NSUN7: variants seen among roughly 807,000 people sequenced by gnomAD.
NSUN7 encodes NOP2/Sun RNA methyltransferase family member 7.
Under a neutral mutation model 58.5 loss-of-function variants are expected in NSUN7, and 39 were observed. That is an observed-to-expected ratio of 0.67 (90% CI 0.52 to 0.87). The LOEUF is 0.87. Among genes scored for constraint, NSUN7 ranks in the 40% least tolerant of loss-of-function variants. The pLI is 0.00. For missense variants in NSUN7, 765 were observed against 844.1 expected (o/e 0.91, Z 1.16); for synonymous variants, 278 against 303.7 (o/e 0.92, Z 0.88).
At chr4:40,754,029 A>G (rs1339843153) in intron 2 of NSUN7, among the ~76,000 whole-genome samples, 1 of 152,218 alleles carries the variant, frequency 6.6e-6, no homozygotes, top group Non-Finnish European at 1.5e-5. Context: ...CAGCATAAAA[A>G]TGGACTAATA....
intron 10 of NSUN7, among the ~76,000 whole-genome samples, chr4:40,801,360 T>C (rs952068997): frequency 6.6e-6 from 1 of 152,226 alleles, no homozygotes; most frequent in African/African-American, 2.4e-5. Flanking sequence ...AGATTGAATA[T>C]ATTAACACAC....
intron 7 of NSUN7, among the ~76,000 whole-genome samples, chr4:40,776,889 TAC>T (rs573253921): frequency 2.8e-4 from 42 of 152,344 alleles, no homozygotes; most frequent in African/African-American, 9.4e-4. Flanking sequence ...GTCCTGAGAT[TAC>T]AGAGGCGTGA....
intron 2 of NSUN7, among the ~76,000 whole-genome samples, chr4:40,755,818 G>C (rs1345871152): frequency 6.6e-6 from 1 of 152,246 alleles, no homozygotes. Flanking sequence ...ACATAGGGCA[G>C]AGTCCAGGAG....
At chr4:40,786,290 A>C in intron 7 of NSUN7, 2 of 1,613,364 alleles carry the variant, frequency 1.2e-6, no homozygotes, top group Non-Finnish European at 1.7e-6. Context: ...GAGAAAATTA[A>C]GGTAACCTTG....
chr4:40,774,633 G>T, intron 5 of NSUN7, 134 bp from the exon 6 acceptor site: 1 of 707,818 alleles, frequency 1.4e-6, no homozygotes, highest in Non-Finnish European at 2.3e-6. Context: ...TTTATTGTTG[G>T]TTAAAATTGT....
intron 8 of NSUN7, among the ~76,000 whole-genome samples, chr4:40,792,263 C>G (rs761782908): frequency 2.0e-5 from 3 of 152,132 alleles, no homozygotes; most frequent in Non-Finnish European, 2.9e-5. Context: ...CTGTGAGACT[C>G]TGGCCTTATC....
intron 10 of NSUN7, among the ~76,000 whole-genome samples, chr4:40,801,901 C>CAAAA (rs56868885): frequency 0.1 from 10,953 of 106,622 alleles, 663 homozygotes; most frequent in Non-Finnish European, 0.16. Flanking sequence ...GACTCTGTCT[C>CAAAA]AAAAAAAAAA....
intron 10 of NSUN7, among the ~76,000 whole-genome samples, chr4:40,802,762 C>G (rs979055061): frequency 6.7e-6 from 1 of 150,186 alleles, no homozygotes; most frequent in Non-Finnish European, 1.5e-5. Context: ...TTTACCCTGA[C>G]ACTTTGTACT....
Position 40,808,606 on chromosome 4 carries a change from G to A in NSUN7, c.1824G>A (p.Lys608=), listed in dbSNP as rs2465576. 1.5e-3 allele frequency: 2,301 copies of A among 1,551,640 alleles called. 30 individuals carry two copies. In the African/African-American group the frequency reaches 0.027, roughly 18 times the overall value. ...CCTCACAGACCAGAAAACCCAACAA[G>A]CTGGCCCCCCATCCTGCAGTGCCTG... is the stretch of plus-strand genomic sequence containing the variant. ...GASSQTRKPN[K]LAPHPAVPAF... is the part of the protein sequence containing the mutation. The change falls in exon 12 of 12, where the codon AAG becomes AAA. Residue 608 remains lysine (K), a synonymous_variant. Transcript: ENST00000381782.
intron 2 of NSUN7, among the ~76,000 whole-genome samples, chr4:40,757,902 TTTTGTTTG>T (rs71198603): frequency 1.0e-4 from 15 of 148,496 alleles, no homozygotes; most frequent in Non-Finnish European, 1.2e-4. Context: ...CTATTCCTGT[TTTTGTTTG>T]TTTGTTTGTT....
chr4:40,799,475 C>T (rs1376824215), intron 10 of NSUN7, among the ~76,000 whole-genome samples: 1 of 146,192 alleles, frequency 6.8e-6, no homozygotes, highest in African/African-American at 2.6e-5. Context: ...GCCTGGGCAA[C>T]ATGGTGAAAC....
At chr4:40,791,996 A>G (rs898689660) in intron 8 of NSUN7, among the ~76,000 whole-genome samples, 11 of 152,192 alleles carry the variant, frequency 7.2e-5, no homozygotes, top group African/African-American at 2.7e-4. Flanking sequence ...ACTAAACGAC[A>G]CTATCTTTAA....
At position 40,775,796 on chromosome 4, in the gene NSUN7, AT is replaced by A. The variant is rs1742231992; in HGVS notation, c.826-251del. On this transcript the variant is annotated intron_variant, in intron 6 of 11. Transcript: ENST00000381782. The surrounding 1 kb of genome is among the most constrained non-coding windows in gnomAD (Gnocchi z 4.3). Reference sequence around the variant, plus strand: ...TTAATCTGTTGACCATATTTTAGAGATTCTGGCATTGCTTTATACAAAACTT... The same window carrying A: ...TTAATCTGTTGACCATATTTTAGAGATCTGGCATTGCTTTATACAAAACTT... Among the ~76,000 whole-genome samples the A allele has an allele frequency of 6.6e-6, 1 of 152,216 alleles. No individual in the cohort carries two copies. The highest frequency in any genetic ancestry group is 1.5e-5 in the Non-Finnish European group (1 of 68,028).
At chr4:40,802,531 T>G (rs1318684431) in intron 10 of NSUN7, among the ~76,000 whole-genome samples, 1 of 152,152 alleles carries the variant, frequency 6.6e-6, no homozygotes, top group African/African-American at 2.4e-5. Context: ...CTTGGAGAGC[T>G]GGGGTAGCAA....
chr4:40,756,667 G>A (rs1741158754), intron 2 of NSUN7, among the ~76,000 whole-genome samples: 1 of 152,142 alleles, frequency 6.6e-6, no homozygotes, highest in African/African-American at 2.4e-5. Flanking sequence ...TTACTTAACT[G>A]TGCTGTGCCC....
intron 7 of NSUN7, among the ~76,000 whole-genome samples, chr4:40,788,122 C>T (rs943874470): frequency 1.5e-4 from 23 of 152,318 alleles, no homozygotes; most frequent in African/African-American, 5.1e-4. Flanking sequence ...CAAGAGCCAC[C>T]GTGCCCGGCC....
chr4:40,790,842 T>G lies in NSUN7; in HGVS notation c.1180+97T>G, dbSNP rs900163893. The G allele has an allele frequency of 1.2e-5, 11 of 911,454 alleles. No homozygotes were observed. The African/African-American group carries it at 1.9e-4, about 16-fold the overall frequency. The allele number at this position is 911,454 out of a possible 1,614,324, so 56.5% of individuals were successfully genotyped here. ...AAATAGCATATCAAATACATCTGATTAATAAATAATAGCAACCACATATAA... is the reference window on the plus strand; with the variant it reads ...AAATAGCATATCAAATACATCTGATGAATAAATAATAGCAACCACATATAA... On this transcript the variant is annotated intron_variant, in intron 8 of 11. Coordinates refer to ENST00000381782, the MANE Select transcript of NSUN7 (RefSeq NM_024677.6).
chr4:40,774,785 T>C lies in NSUN7; in HGVS notation c.660T>C (p.Asn220=), dbSNP rs1209401171. 3.3e-6 allele frequency: 5 copies of C among 1,530,432 alleles called. No individual in the cohort carries two copies. In the Admixed American group the frequency reaches 5.9e-5, roughly 18 times the overall value. 94.8% of individuals were successfully genotyped at this position (1,530,432 alleles called of 1,614,324 possible). A position where few individuals can be genotyped will look rare whatever the true frequency, so the allele number is the denominator to read the frequency against. The change falls in exon 6 of 12, where the codon AAT becomes AAC. Residue 220 remains asparagine, a synonymous_variant. Coordinates refer to ENST00000381782, the MANE Select transcript of NSUN7 (RefSeq NM_024677.6). ...TTTACAGCCCTGAAGAAGTTTATAA[T>C]AATTTGAAGAGAAGAGGCTATAATA... ...TCKISPEEVY[N]NLKRRGYNKV... is the part of the protein sequence containing the mutation.
At chr4:40,755,976 T>C (rs138718836) in intron 2 of NSUN7, among the ~76,000 whole-genome samples, 51 of 152,322 alleles carry the variant, frequency 3.3e-4, no homozygotes, top group African/African-American at 1.2e-3. Context: ...AGCATTTTTA[T>C]TGGGGGGTCA....
Sources: gnomAD v4.1 joint callset for allele counts (sites outside exome capture counted in the v4.1 genomes callset) on GRCh38, gnomAD v4.1.1 for gene constraint, Gnocchi (gnomAD v3.1) non-coding constraint, MANE v1.5 for transcripts, NCBI Gene and HGNC (gene_info 2026-07-23, HGNC 2026-07-21) for gene names.